UMAD1: variants seen among roughly 807,000 people sequenced by gnomAD.
The protein encoded by UMAD1 is UBAP1-MVB12-associated (UMA) domain containing 1.
In UMAD1, 8 loss-of-function variants were observed where a neutral mutation model predicts 6.1. The ratio of observed to expected loss-of-function variants is 1.30; its 90% CI spans 0.76 to 2.35. The LOEUF is 2.35. UMAD1 is among the 30% of genes most tolerant of loss of function. The probability of loss-of-function intolerance (pLI) is 0.00; values close to 1 mark genes in which losing one functional copy is unlikely to be tolerated. For missense variants in UMAD1, 130 were observed against 78.4 expected, an observed-to-expected ratio of 1.66 and a Z score of -2.49; for synonymous variants, 56 against 31.4, an observed-to-expected ratio of 1.78 and a Z score of -2.61.
At chr7:7,868,421 A>G (rs1262741122) in intron 3 of UMAD1, 2 of 152,136 alleles carry the variant, frequency 1.3e-5, no homozygotes, top group Non-Finnish European at 2.9e-5. Context: ...CAGCCTGCTT[A>G]CTTCCCCTTC....
At chr7:7,827,898 C>T (rs1199176060) in intron 3 of UMAD1, among the ~76,000 whole-genome samples, 1 of 152,066 alleles carries the variant, frequency 6.6e-6, no homozygotes, top group African/African-American at 2.4e-5. Flanking sequence ...ATGTTTAACC[C>T]CTCTTCTTAT....
chr7:7,663,969 C>T (rs373879662), intron 1 of UMAD1, among the ~76,000 whole-genome samples: 2 of 152,168 alleles, frequency 1.3e-5, no homozygotes, highest in Non-Finnish European at 2.9e-5. Context: ...TTTCCTTCTA[C>T]TGATTAGATT....
At position 7,772,754 on chromosome 7, in the gene UMAD1, C is replaced by T. The variant is rs534037968; in HGVS notation, c.83-28916C>T. Among the ~76,000 whole-genome samples the T allele has an allele frequency of 6.6e-5, 10 of 152,298 alleles. No individual in the cohort carries two copies. In the South Asian group the frequency reaches 2.1e-3, roughly 32 times the overall value. ...CCCGTTTTCTCTGGGCTCACAAAAA[C>T]ATTTGCTTTTTAATCGAGAACTTTA... On this transcript the variant is annotated intron_variant, in intron 2 of 3. Transcript: ENST00000682710.
chr7:7,868,034 G>A (rs915439190), intron 3 of UMAD1, among the ~76,000 whole-genome samples: 6 of 152,090 alleles, frequency 3.9e-5, no homozygotes, highest in Non-Finnish European at 7.4e-5. Context: ...TGCCAGCAGC[G>A]AGGAGGAAGC....
intron 2 of UMAD1, among the ~76,000 whole-genome samples, chr7:7,711,937 G>A (rs1261891043): frequency 1.3e-5 from 2 of 151,976 alleles, no homozygotes; most frequent in Non-Finnish European, 2.9e-5. Context: ...TTATAGTGTG[G>A]TATAGCGATC....
intron 1 of UMAD1, among the ~76,000 whole-genome samples, chr7:7,662,161 CA>C (rs1269346832): frequency 1.3e-5 from 2 of 152,122 alleles, no homozygotes; most frequent in East Asian, 3.9e-4. Context: ...CCCTTCCCCC[CA>C]CCAAGCTCGA....
intron 1 of UMAD1, among the ~76,000 whole-genome samples, chr7:7,670,049 A>G (rs145660407): frequency 1.2e-3 from 179 of 152,294 alleles, no homozygotes; most frequent in African/African-American, 3.9e-3. Flanking sequence ...TTTAAATTTG[A>G]TGTTTTAGGT....
At chr7:7,812,801 C>CTTT (rs71014718) in intron 3 of UMAD1, among the ~76,000 whole-genome samples, 67 of 143,774 alleles carry the variant, frequency 4.7e-4, no homozygotes, top group East Asian at 1.6e-3. Context: ...ACACAGCCAT[C>CTTT]TTTTTTTTTT....
intron 3 of UMAD1, among the ~76,000 whole-genome samples, chr7:7,807,876 A>C (rs891510779): frequency 6.6e-6 from 1 of 152,060 alleles, no homozygotes; most frequent in African/African-American, 2.4e-5. Context: ...TCAATAATAA[A>C]TTAATTAATA....
intron 2 of UMAD1, among the ~76,000 whole-genome samples, chr7:7,768,707 T>G (rs1782041828): frequency 6.6e-6 from 1 of 152,346 alleles, no homozygotes; most frequent in Non-Finnish European, 1.5e-5. Context: ...TCCTCAGCAC[T>G]GAAAGTAGTG....
rs762865254 is a variant in UMAD1 at position 7,673,422 on chromosome 7, A to G, written c.51A>G (p.Pro17=). The G allele has an allele frequency of 2.8e-5, 28 of 1,001,138 alleles. No homozygotes were observed. The highest frequency in any genetic ancestry group is 3.8e-5 in the Non-Finnish European group (25 of 656,600). The allele number at this position is 1,001,138 out of a possible 1,614,324, so 62.0% of individuals were successfully genotyped here. The part of the protein sequence containing the change: ...KPPESKKPSV[P]ETEADGFVLL... The stretch of plus-strand genomic sequence containing the variant: ...CGGAATCTAAAAAGCCCTCAGTACC[A>G]GAGACAGAAGCAGATGGATTCGTCC... Residue 17 remains proline, a synonymous_variant, in exon 2 of 4, where the codon CCA becomes CCG. Transcript: ENST00000682710.
chr7:7,680,651 C>T (rs1032708360), intron 2 of UMAD1, among the ~76,000 whole-genome samples: 3 of 151,836 alleles, frequency 2.0e-5, no homozygotes, highest in Admixed American at 1.3e-4. Context: ...TTTAACAATA[C>T]TGATTCTTCC....
At chr7:7,819,140 T>C (rs192161698) in intron 3 of UMAD1, among the ~76,000 whole-genome samples, 107 of 152,204 alleles carry the variant, frequency 7.0e-4, no homozygotes, top group African/African-American at 2.4e-3. Flanking sequence ...ATGAACCACC[T>C]TGCCCGGCCC....
At chr7:7,827,880 A>G (rs1376461200) in intron 3 of UMAD1, among the ~76,000 whole-genome samples, 2 of 152,208 alleles carry the variant, frequency 1.3e-5, no homozygotes, top group Non-Finnish European at 2.9e-5. Context: ...AGTTGGAAAT[A>G]TATAAATATG....
intron 2 of UMAD1, among the ~76,000 whole-genome samples, chr7:7,717,504 A>G (rs1780948471): frequency 6.6e-6 from 1 of 152,224 alleles, no homozygotes; most frequent in African/African-American, 2.4e-5. Flanking sequence ...TATTAAATGA[A>G]TATGATTTAT....
Position 7,830,649 on chromosome 7 carries a change from C to T in UMAD1, c.156+28906C>T, listed in dbSNP as rs972397423. 1.3e-5 allele frequency among the ~76,000 whole-genome samples: 2 copies of T among 152,106 alleles called. No homozygotes were observed. Among genetic ancestry groups the T allele is most frequent in the African/African-American group, 2.4e-5 (1 of 41,428 alleles). On this transcript the variant is annotated intron_variant, in intron 3 of 3. Transcript: ENST00000682710. The surrounding 1 kb of genome is among the most constrained non-coding windows in gnomAD (Gnocchi z 5.3). The stretch of plus-strand genomic sequence containing the variant: ...ATGTTTTGGTTCATTTTCCTTGTCC[C>T]AGACTTTCTATTTCAATGGTTTTCT...
At chr7:7,859,144 A>C (rs1369860653) in intron 3 of UMAD1, among the ~76,000 whole-genome samples, 1 of 152,170 alleles carries the variant, frequency 6.6e-6, no homozygotes, top group Non-Finnish European at 1.5e-5. Context: ...TGTTTTCCTG[A>C]TTTCAAGGCA....
At chr7:7,738,224 T>C (rs774749272) in intron 2 of UMAD1, among the ~76,000 whole-genome samples, 1 of 152,238 alleles carries the variant, frequency 6.6e-6, no homozygotes, top group Non-Finnish European at 1.5e-5. Context: ...TAGTATATTT[T>C]GTAAAATTTT....
chr7:7,645,674 C>A (rs756077837), intron 1 of UMAD1, among the ~76,000 whole-genome samples: 5 of 152,048 alleles, frequency 3.3e-5, no homozygotes, highest in Non-Finnish European at 7.4e-5. Flanking sequence ...TGATCAAATG[C>A]ATTTTTTGCC....
Sources: gnomAD v4.1 joint callset for allele counts (sites outside exome capture counted in the v4.1 genomes callset) on GRCh38, gnomAD v4.1.1 for gene constraint, Gnocchi (gnomAD v3.1) non-coding constraint, MANE v1.5 for transcripts, NCBI Gene and HGNC (gene_info 2026-07-23, HGNC 2026-07-21) for gene names.